Variants in DCC observed in about 807,000 individuals in gnomAD.
The protein encoded by DCC is DCC netrin 1 receptor.
A neutral mutation model predicts 172.5 loss-of-function variants in DCC; 58 were observed. That is an observed-to-expected ratio of 0.34 (90% CI 0.27 to 0.42). DCC has a LOEUF of 0.42. DCC is among the 10% of genes least tolerant of loss of function. DCC has a pLI of 1.00. For synonymous variants in DCC, 709 were observed against 644.5 expected, an observed-to-expected ratio of 1.10 and a Z score of -1.52; for missense variants, 1,740 against 1,791.0, an observed-to-expected ratio of 0.97 and a Z score of 0.51.
At chr18:53,208,510 A>G (rs1439705433) in intron 11 of DCC, among the ~76,000 whole-genome samples, 1 of 152,074 alleles carries the variant, frequency 6.6e-6, no homozygotes. Flanking sequence ...TAAATGATAG[A>G]CAATCCCCCT....
intron 1 of DCC, among the ~76,000 whole-genome samples, chr18:52,658,476 G>T (rs1314654816): frequency 6.6e-6 from 1 of 152,046 alleles, no homozygotes; most frequent in Non-Finnish European, 1.5e-5. Context: ...TTGATTCAGA[G>T]ACAGAAATGA....
intron 1 of DCC, among the ~76,000 whole-genome samples, chr18:52,427,647 A>T (rs1473275961): frequency 6.6e-6 from 1 of 152,016 alleles, no homozygotes; most frequent in Non-Finnish European, 1.5e-5. Flanking sequence ...GCCAGTACCT[A>T]TAAGGCCCCC....
chr18:52,799,579 A>G, intron 2 of DCC, among the ~76,000 whole-genome samples: 1 of 152,210 alleles, frequency 6.6e-6, no homozygotes, highest in Non-Finnish European at 1.5e-5. Context: ...AATTTCAGCA[A>G]TTGTACCCAA....
intron 1 of DCC, among the ~76,000 whole-genome samples, chr18:52,414,803 G>A (rs571071481): frequency 4.6e-5 from 7 of 152,264 alleles, no homozygotes; most frequent in Non-Finnish European, 8.8e-5. Flanking sequence ...TCTGTGTTGC[G>A]TGAAAAATGC....
rs77030858 is a variant in DCC at position 52,533,425 on chromosome 18, G to A, written c.91+192547G>A. On this transcript the variant is annotated intron_variant, in intron 1 of 28. Transcript: ENST00000442544. ...TGCCTTCTACCATCCCTAGCCTCTC[G>A]CAACCACTAAACCGATCTCCATTTC... 2.6e-3 allele frequency among the ~76,000 whole-genome samples: 393 copies of A among 152,058 alleles called. 17 individuals carry two copies. The East Asian group carries it at 0.067, about 26-fold the overall frequency.
At chr18:53,460,862 T>C (rs1429203321) in intron 24 of DCC, among the ~76,000 whole-genome samples, 2 of 152,174 alleles carry the variant, frequency 1.3e-5, no homozygotes, top group Non-Finnish European at 1.5e-5. Flanking sequence ...CCACACTGAC[T>C]TCCACAATGG....
chr18:53,423,096 G>A (rs1295758539), intron 21 of DCC, among the ~76,000 whole-genome samples: 2 of 152,124 alleles, frequency 1.3e-5, no homozygotes, highest in Non-Finnish European at 2.9e-5. Flanking sequence ...AGGTAACTCT[G>A]AAGGAACAAA....
Position 53,486,928 on chromosome 18 carries a change from G to A in DCC, c.3868G>A (p.Asp1290Asn), listed in dbSNP as rs1049694218. 1 of 1,614,186 alleles carries A rather than the reference G, an allele frequency of 6.2e-7. No individual in the cohort carries two copies. Among genetic ancestry groups the A allele is most frequent in the Non-Finnish European group, 8.5e-7 (1 of 1,180,048 alleles). ...RPVPFPTLSVDRGFGAGRSQS... is the reference protein window; with the variant it reads ...RPVPFPTLSVNRGFGAGRSQS... The stretch of plus-strand genomic sequence containing the variant: ...TGTGCCATTCCCAACACTCTCAGTG[G>A]ACCGAGGTTTCGGAGCAGGAAGAAG... Residue 1290 changes from aspartate to asparagine, a missense_variant, in exon 26 of 29, where the codon GAC becomes AAC. Around this residue, in one of 2 missense-constraint regions of DCC, gnomAD observed 1,732 missense variants for 1,767.4 expected, o/e 0.98. Coordinates refer to ENST00000442544, the MANE Select transcript of DCC (RefSeq NM_005215.4).
chr18:52,525,791 G>T (rs1364157322), intron 1 of DCC, among the ~76,000 whole-genome samples: 2 of 152,144 alleles, frequency 1.3e-5, no homozygotes, highest in East Asian at 1.9e-4. Flanking sequence ...AGGACAGAAA[G>T]ACAAAGTAAT....
intron 4 of DCC, among the ~76,000 whole-genome samples, chr18:52,924,347 C>A (rs1424019908): frequency 6.6e-6 from 1 of 151,976 alleles, no homozygotes; most frequent in African/African-American, 2.4e-5. Flanking sequence ...TTCAATAAAG[C>A]TAAGGGGAAA....
chr18:53,085,068 C>A (rs1361008184), intron 7 of DCC, among the ~76,000 whole-genome samples: 1 of 152,046 alleles, frequency 6.6e-6, no homozygotes, highest in East Asian at 1.9e-4. Context: ...TAAAGCCAAG[C>A]CTATTATCCA....
chr18:53,131,331 C>G (rs1568322704), intron 7 of DCC, among the ~76,000 whole-genome samples: 1 of 152,056 alleles, frequency 6.6e-6, no homozygotes, highest in Admixed American at 6.6e-5. Context: ...CTAATAAATA[C>G]TTCTGGAGAA....
At chr18:52,403,907 G>C (rs1237426997) in intron 1 of DCC, among the ~76,000 whole-genome samples, 1 of 152,032 alleles carries the variant, frequency 6.6e-6, no homozygotes, top group Non-Finnish European at 1.5e-5. Context: ...TAATGATTTG[G>C]AATTCTCTGT....
intron 14 of DCC, among the ~76,000 whole-genome samples, chr18:53,334,393 T>G (rs983071928): frequency 5.3e-5 from 8 of 152,188 alleles, no homozygotes; most frequent in Non-Finnish European, 1.2e-4. Flanking sequence ...TTTTTTCTGT[T>G]TTTGTAATTG....
chr18:52,975,972 C>T (rs1291738493), intron 5 of DCC, among the ~76,000 whole-genome samples: 2 of 152,172 alleles, frequency 1.3e-5, no homozygotes, highest in Non-Finnish European at 2.9e-5. Flanking sequence ...TACACTCCCA[C>T]CAACAGTGTG....
At chr18:52,699,558 C>A (rs938726204) in intron 1 of DCC, among the ~76,000 whole-genome samples, 1 of 152,108 alleles carries the variant, frequency 6.6e-6, no homozygotes, top group Non-Finnish European at 1.5e-5. Context: ...CAGAATATGA[C>A]CAGTTCAAGG....
At chr18:52,696,925 T>C (rs1599026630) in intron 1 of DCC, among the ~76,000 whole-genome samples, 4 of 152,286 alleles carry the variant, frequency 2.6e-5, no homozygotes, top group Admixed American at 2.0e-4. Context: ...TTTTTAATTC[T>C]GTAAATGTGG....
At chr18:52,896,655 A>G (rs1184878933) in intron 2 of DCC, among the ~76,000 whole-genome samples, 1 of 152,200 alleles carries the variant, frequency 6.6e-6, no homozygotes, top group Admixed American at 6.5e-5. Flanking sequence ...TGACTGGAGG[A>G]AATAAAGTTA....
chr18:53,258,911 T>C (rs925647374), intron 12 of DCC, among the ~76,000 whole-genome samples: 17 of 152,188 alleles, frequency 1.1e-4, no homozygotes, highest in Non-Finnish European at 1.9e-4. Flanking sequence ...GGTGCATATA[T>C]GTTTAGGTTA....
Sources: gnomAD v4.1 joint callset for allele counts (sites outside exome capture counted in the v4.1 genomes callset) on GRCh38, gnomAD v4.1.1 for gene constraint, gnomAD v4.1.1 regional missense constraint, MANE v1.5 for transcripts, NCBI Gene and HGNC (gene_info 2026-07-23, HGNC 2026-07-21) for gene names.